Variants in SYNPR observed in about 807,000 individuals in gnomAD.
SYNPR encodes synaptoporin.
Under a neutral mutation model 32.9 loss-of-function variants are expected in SYNPR, and 23 were observed. The observed-to-expected ratio is 0.70, with a 90% CI of 0.50 to 0.99. The LOEUF (loss-of-function observed/expected upper bound fraction) is 0.99. Among genes scored for constraint, SYNPR ranks in the 50% least tolerant of loss-of-function variants. The probability of loss-of-function intolerance (pLI) is 0.00; values close to 1 mark genes in which losing one functional copy is unlikely to be tolerated. For missense variants in SYNPR, 318 were observed against 349.3 expected, an observed-to-expected ratio of 0.91 and a Z score of 0.71; for synonymous variants, 146 against 135.9, an observed-to-expected ratio of 1.07 and a Z score of -0.52.
chr3:63,272,809 G>T (rs59201527), intron 3 of SYNPR, among the ~76,000 whole-genome samples: 18,206 of 152,032 alleles, frequency 0.12, 1,234 homozygotes, highest in Non-Finnish European at 0.16. Flanking sequence ...CTCTTTGGCT[G>T]CAGCACCAGA....
chr3:63,483,732 T>C lies in SYNPR; in HGVS notation c.209+2776T>C, dbSNP rs183535552. ...ATCTGAAATTCCAAATGGATTGAAGTAGGTGAAAAAAATCTGTATTTTCAA... is the reference window on the plus strand; with the variant it reads ...ATCTGAAATTCCAAATGGATTGAAGCAGGTGAAAAAAATCTGTATTTTCAA... On this transcript the variant is annotated intron_variant, in intron 3 of 5. Transcript: ENST00000478300. Among the ~76,000 whole-genome samples, 72 of 152,108 alleles carry C rather than the reference T, an allele frequency of 4.7e-4. 1 individual carries two copies. Among genetic ancestry groups the C allele is most frequent in the Admixed American group, 3.5e-3 (53 of 15,262 alleles).
Position 63,285,613 on chromosome 3 carries a change from C to A in SYNPR, c.84+6871C>A, listed in dbSNP as rs139190155. Among the ~76,000 whole-genome samples, 272 of 152,286 alleles carry A rather than the reference C, an allele frequency of 1.8e-3. 2 individuals carry two copies. In the Middle Eastern group the frequency reaches 0.024, roughly 13 times the overall value. On this transcript the variant is annotated intron_variant, in intron 2 of 5. Coordinates refer to ENST00000478300, the MANE Select transcript of SYNPR (RefSeq NM_001130003.2). The stretch of plus-strand genomic sequence containing the variant: ...AGTGCACAACAAACAAGCAGCTCCT[C>A]AGTGTCCAGATGGATTCATCACTTA...
At chr3:63,612,015 T>C (rs535690339) in intron 5 of SYNPR, among the ~76,000 whole-genome samples, 7 of 152,340 alleles carry the variant, frequency 4.6e-5, no homozygotes, top group African/African-American at 1.7e-4. Context: ...AATAGTCATA[T>C]TCTCTACCTT....
chr3:63,226,953 T>A (rs2086133191), upstream of SYNPR, among the ~76,000 whole-genome samples: 1 of 152,200 alleles, frequency 6.6e-6, no homozygotes, highest in African/African-American at 2.4e-5. Context: ...ATCCTATGCA[T>A]GTAAAAAATA....
At chr3:63,593,072 T>C (rs1207559873) in intron 4 of SYNPR, among the ~76,000 whole-genome samples, 1 of 151,980 alleles carries the variant, frequency 6.6e-6, no homozygotes, top group Non-Finnish European at 1.5e-5. Flanking sequence ...AAAACCTGTA[T>C]ATAATAAGAC....
chr3:63,201,390 G>C, the SYNPR span, among the ~76,000 whole-genome samples: 1 of 151,992 alleles, frequency 6.6e-6, no homozygotes. Context: ...TGTCTGAAAG[G>C]CTGCTGCTTA....
chr3:63,257,097 G>A (rs2106895874), intron 2 of SYNPR, among the ~76,000 whole-genome samples: 1 of 152,288 alleles, frequency 6.6e-6, no homozygotes, highest in South Asian at 2.1e-4. Context: ...TATCTGATTG[G>A]TGTACCTGAA....
chr3:63,266,957 A>G (rs1449904690), intron 2 of SYNPR, among the ~76,000 whole-genome samples: 6 of 152,212 alleles, frequency 3.9e-5, no homozygotes, highest in African/African-American at 1.4e-4. Context: ...TTTATTACCA[A>G]TACAGTCAAA....
At chr3:63,374,455 G>T (rs1029991709) in intron 2 of SYNPR, among the ~76,000 whole-genome samples, 3 of 152,142 alleles carry the variant, frequency 2.0e-5, no homozygotes, top group African/African-American at 4.8e-5. Flanking sequence ...TGGGAAGAGA[G>T]AGAGGATCAA....
chr3:63,389,463 C>G (rs985693430), intron 2 of SYNPR, among the ~76,000 whole-genome samples: 1 of 152,196 alleles, frequency 6.6e-6, no homozygotes, highest in African/African-American at 2.4e-5. Flanking sequence ...AGGTGTCTCT[C>G]TTACCAGTAA....
chr3:63,228,352 A>G (rs1308048411), exon 1 of SYNPR: 1 of 152,216 alleles, frequency 6.6e-6, no homozygotes, highest in African/African-American at 2.4e-5. Context: ...AAGCTAGTCT[A>G]AATGATCATG....
At chr3:63,407,228 G>C (rs1228724675) in intron 2 of SYNPR, among the ~76,000 whole-genome samples, 1 of 152,194 alleles carries the variant, frequency 6.6e-6, no homozygotes, top group African/African-American at 2.4e-5. Context: ...CATAGACCAG[G>C]ATTGGCTCCA....
chr3:63,229,407 CA>C (rs2086151748), intron 1 of SYNPR, among the ~76,000 whole-genome samples: 1 of 152,112 alleles, frequency 6.6e-6, no homozygotes, highest in African/African-American at 2.4e-5. Flanking sequence ...CTTCTGTGTA[CA>C]GATATTCTAG....
At chr3:63,516,802 A>G (rs1701809042) in intron 3 of SYNPR, among the ~76,000 whole-genome samples, 1 of 152,120 alleles carries the variant, frequency 6.6e-6, no homozygotes, top group Admixed American at 6.5e-5. Flanking sequence ...TCTGTTTGAT[A>G]TGCATTCGCC....
At chr3:63,435,587 C>A (rs902268595) in intron 2 of SYNPR, among the ~76,000 whole-genome samples, 1 of 152,204 alleles carries the variant, frequency 6.6e-6, no homozygotes, top group African/African-American at 2.4e-5. Flanking sequence ...CCTTTGACTG[C>A]CCCTAGCACA....
chr3:63,241,338 G>A (rs1164436644), intron 1 of SYNPR, among the ~76,000 whole-genome samples: 1 of 152,120 alleles, frequency 6.6e-6, no homozygotes, highest in East Asian at 1.9e-4. Context: ...CTTTACCAAG[G>A]TAACAGGTTC....
intron 2 of SYNPR, among the ~76,000 whole-genome samples, chr3:63,299,459 A>G (rs997987607): frequency 6.6e-6 from 1 of 152,042 alleles, no homozygotes. Flanking sequence ...GGAAGACAGT[A>G]TCTGTCTCAA....
chr3:63,306,880 T>C (rs1429464228), intron 2 of SYNPR, among the ~76,000 whole-genome samples: 3 of 151,800 alleles, frequency 2.0e-5, no homozygotes, highest in Admixed American at 6.6e-5. Flanking sequence ...TTTTTTCAAC[T>C]GTCATCTTTG....
intron 3 of SYNPR, among the ~76,000 whole-genome samples, chr3:63,491,482 A>G (rs1212801071): frequency 6.6e-6 from 1 of 152,176 alleles, no homozygotes; most frequent in Non-Finnish European, 1.5e-5. Flanking sequence ...CCACAGGTGA[A>G]GAATGGCTTT....
Sources: allele counts gnomAD v4.1 joint callset (sites outside exome capture counted in the v4.1 genomes callset), GRCh38; gene constraint gnomAD v4.1.1; transcripts MANE v1.5; gene names NCBI Gene and HGNC (gene_info 2026-07-23, HGNC 2026-07-21).